The following NRXN3 variants were observed in gnomAD, a reference collection of about 807,000 sequenced individuals.
NRXN3 encodes the protein neurexin 3.
A neutral mutation model predicts 137.6 loss-of-function variants in NRXN3; 32 were observed. The observed-to-expected ratio is 0.23, with a 90% CI of 0.18 to 0.31. The LOEUF (loss-of-function observed/expected upper bound fraction) is 0.31, where lower values mean the gene tolerates loss of function less well. Ranked by LOEUF, NRXN3 falls within the 10% of genes least tolerant of loss-of-function variation. The probability of loss-of-function intolerance (pLI) is 1.00; values close to 1 mark genes in which losing one functional copy is unlikely to be tolerated. For synonymous variants in NRXN3, 798 were observed against 784.5 expected, an observed-to-expected ratio of 1.02 and a Z score of -0.29; for missense variants, 1,574 against 2,062.5, an observed-to-expected ratio of 0.76 and a Z score of 4.59.
At chr14:78,874,188 T>A (rs1452447481) in intron 10 of NRXN3, among the ~76,000 whole-genome samples, 1 of 152,116 alleles carries the variant, frequency 6.6e-6, no homozygotes, top group Non-Finnish European at 1.5e-5. Flanking sequence ...GCCAGGCTGG[T>A]CTTGAACTCT....
chr14:79,347,332 C>T (rs1566869488), intron 15 of NRXN3, among the ~76,000 whole-genome samples: 1 of 151,768 alleles, frequency 6.6e-6, no homozygotes, highest in African/African-American at 2.4e-5. Context: ...AGAAAGATCT[C>T]ATTAAACTGC....
chr14:79,761,255 T>A (rs1018014115), intron 19 of NRXN3, among the ~76,000 whole-genome samples: 1 of 151,752 alleles, frequency 6.6e-6, no homozygotes, highest in African/African-American at 2.4e-5. Context: ...TATTGTATTA[T>A]CTGATAAGGA....
intron 15 of NRXN3, among the ~76,000 whole-genome samples, chr14:79,402,328 T>C (rs1383261392): frequency 6.6e-6 from 1 of 152,236 alleles, no homozygotes; most frequent in African/African-American, 2.4e-5. Context: ...TAGATGATTT[T>C]TTAACTTAAA....
chr14:79,755,297 TATTA>T (rs1006605168), intron 19 of NRXN3, among the ~76,000 whole-genome samples: 2 of 152,168 alleles, frequency 1.3e-5, no homozygotes, highest in Non-Finnish European at 2.9e-5. Flanking sequence ...TATTTTGTTG[TATTA>T]TTTATATTTT....
At chr14:79,034,265 T>C (rs1255662913) in intron 15 of NRXN3, among the ~76,000 whole-genome samples, 1 of 151,906 alleles carries the variant, frequency 6.6e-6, no homozygotes. Context: ...AACTTTTTAA[T>C]AGTTCTCTGT....
At chr14:79,209,093 C>A (rs2067246240) in intron 15 of NRXN3, among the ~76,000 whole-genome samples, 2 of 152,052 alleles carry the variant, frequency 1.3e-5, no homozygotes, top group South Asian at 4.2e-4. Context: ...CACGTGCCAC[C>A]ACACCTGGCT....
chr14:79,550,793 CCA>C (rs2097365919), intron 16 of NRXN3, among the ~76,000 whole-genome samples: 1 of 152,156 alleles, frequency 6.6e-6, no homozygotes, highest in Non-Finnish European at 1.5e-5. Context: ...ACTTCTTTGT[CCA>C]CAGTTTCCTC....
At chr14:79,207,631 C>G (rs983413698) in intron 15 of NRXN3, among the ~76,000 whole-genome samples, 2 of 152,178 alleles carry the variant, frequency 1.3e-5, no homozygotes, top group African/African-American at 4.8e-5. Context: ...AATGTACCCT[C>G]TCTACTTCCC....
At chr14:79,188,530 A>C (rs1210431973) in intron 15 of NRXN3, among the ~76,000 whole-genome samples, 1 of 152,172 alleles carries the variant, frequency 6.6e-6, no homozygotes, top group African/African-American at 2.4e-5. Context: ...GACAAAGGCC[A>C]TTTCTTCCCT....
At chr14:78,394,972 C>T (rs151266344) in intron 4 of NRXN3, among the ~76,000 whole-genome samples, 69 of 151,918 alleles carry the variant, frequency 4.5e-4, no homozygotes, top group African/African-American at 1.6e-3. Context: ...CTTTGTCAGT[C>T]TTGCAAGATG....
chr14:79,858,938 A>G (rs1178262056), intron 20 of NRXN3, among the ~76,000 whole-genome samples: 1 of 151,626 alleles, frequency 6.6e-6, no homozygotes, highest in Non-Finnish European at 1.5e-5. Context: ...TATGCATTAA[A>G]TAAGTTGTAA....
intron 16 of NRXN3, among the ~76,000 whole-genome samples, chr14:79,617,181 G>T (rs1004511344): frequency 6.6e-6 from 1 of 152,052 alleles, no homozygotes; most frequent in Non-Finnish European, 1.5e-5. Context: ...TCTGTTTCAG[G>T]GATATACCAA....
intron 19 of NRXN3, among the ~76,000 whole-genome samples, chr14:79,776,663 G>T (rs2099098145): frequency 6.6e-6 from 1 of 152,194 alleles, no homozygotes; most frequent in Non-Finnish European, 1.5e-5. Context: ...CCTCTGCCTT[G>T]ACATAGATGC....
Position 79,279,330 on chromosome 14 carries a change from G to A in NRXN3, c.3263-187891G>A, listed in dbSNP as rs558955022. On this transcript the variant is annotated intron_variant, in intron 15 of 20. Transcript: ENST00000335750. ...TGCACTGATTTGCTCTCGGGAGTGC[G>A]CTATTTGCATATGACTTGCCCATTT... is the stretch of plus-strand genomic sequence containing the variant. 9.8e-5 allele frequency: 96 copies of A among 984,526 alleles called. 1 individual carries two copies. The South Asian group carries it at 4.0e-3, about 41-fold the overall frequency. 61.0% of individuals were successfully genotyped at this position (984,526 alleles called of 1,614,324 possible). A position where few individuals can be genotyped will look rare whatever the true frequency, so the allele number is the denominator to read the frequency against.
intron 16 of NRXN3, among the ~76,000 whole-genome samples, chr14:79,476,253 G>A (rs1474861530): frequency 1.3e-5 from 2 of 152,122 alleles, no homozygotes; most frequent in African/African-American, 4.8e-5. Context: ...TCCTGGTGCT[G>A]TCACTGCTGC....
At chr14:78,291,712 T>G (rs1362922270) in intron 3 of NRXN3, among the ~76,000 whole-genome samples, 1 of 152,210 alleles carries the variant, frequency 6.6e-6, no homozygotes, top group Non-Finnish European at 1.5e-5. Flanking sequence ...AATTACTCTT[T>G]TAAAAAGTCC....
At chr14:79,478,230 C>A (rs2096577089) in intron 16 of NRXN3, among the ~76,000 whole-genome samples, 2 of 148,112 alleles carry the variant, frequency 1.4e-5, no homozygotes, top group African/African-American at 2.5e-5. Context: ...TAAATATATA[C>A]ATATACAAGA....
At chr14:79,251,017 T>C (rs564634950) in intron 15 of NRXN3, among the ~76,000 whole-genome samples, 1 of 152,292 alleles carries the variant, frequency 6.6e-6, no homozygotes, top group Admixed American at 6.5e-5. Flanking sequence ...GTTAAAGGTC[T>C]GGTAGTGAGT....
At chr14:78,308,856 C>T (rs1050027577) in intron 4 of NRXN3, among the ~76,000 whole-genome samples, 2 of 152,100 alleles carry the variant, frequency 1.3e-5, no homozygotes, top group East Asian at 3.9e-4. Context: ...AAATTTGTTA[C>T]TGTAATCCAT....
Sources: gnomAD v4.1 joint callset for allele counts (sites outside exome capture counted in the v4.1 genomes callset) on GRCh38, gnomAD v4.1.1 for gene constraint, MANE v1.5 for transcripts, NCBI Gene and HGNC (gene_info 2026-07-23, HGNC 2026-07-21) for gene names.